The following TET2 variants were observed in gnomAD, a reference collection of about 807,000 sequenced individuals.
TET2 encodes tet methylcytosine dioxygenase 2, also known as methylcytosine dioxygenase TET2.
A neutral mutation model predicts 142.9 loss-of-function variants in TET2; 299 were observed. The observed-to-expected ratio is 2.09, with a 90% CI of 1.90 to 2.30. The LOEUF (loss-of-function observed/expected upper bound fraction) is 2.30. Among genes scored for constraint, TET2 ranks in the 30% most tolerant of loss-of-function variants. The probability of loss-of-function intolerance (pLI) is 0.00; values close to 1 mark genes in which losing one functional copy is unlikely to be tolerated. For missense variants in TET2, 2,418 were observed against 2,378.0 expected (o/e 1.02, Z -0.35); for synonymous variants, 819 against 849.0 (o/e 0.96, Z 0.61).
At chr4:105,163,871 G>A (rs1728674053) in intron 1 of TET2, among the ~76,000 whole-genome samples, 1 of 151,574 alleles carries the variant, frequency 6.6e-6, no homozygotes, top group Non-Finnish European at 1.5e-5. Context: ...GTGTGTGTGT[G>A]TGTGTGTGTG....
intron 2 of TET2, among the ~76,000 whole-genome samples, chr4:105,193,930 TAATA>T (rs1172149049): frequency 6.6e-6 from 1 of 152,164 alleles, no homozygotes; most frequent in Non-Finnish European, 1.5e-5. Flanking sequence ...TGTATTTTTA[TAATA>T]AGTTGGAGAG....
At chr4:105,241,890 C>A (rs1729321459) in intron 4 of TET2, 6 of 1,244,592 alleles carry the variant, frequency 4.8e-6, no homozygotes, top group Non-Finnish European at 6.1e-6. Context: ...AAAAAGAGAG[C>A]AAGTGTGATA....
intron 2 of TET2, among the ~76,000 whole-genome samples, chr4:105,229,186 G>C (rs1728350582): frequency 6.6e-6 from 1 of 151,906 alleles, no homozygotes; most frequent in African/African-American, 2.4e-5. Context: ...ACATTTTAAG[G>C]GCTCAATAGC....
chr4:105,212,231 A>C (rs1204213224), intron 2 of TET2, among the ~76,000 whole-genome samples: 1 of 152,216 alleles, frequency 6.6e-6, no homozygotes, highest in Non-Finnish European at 1.5e-5. Context: ...CCATAGTTGT[A>C]ATGAATACCT....
At chr4:105,182,695 A>G (rs1578573589) in intron 1 of TET2, among the ~76,000 whole-genome samples, 3 of 152,328 alleles carry the variant, frequency 2.0e-5, no homozygotes, top group African/African-American at 2.4e-5. Context: ...TAGAATGAAC[A>G]TTAGAGAATA....
Position 105,190,394 on chromosome 4 carries a change from T to C in TET2, c.-158T>C, listed in dbSNP as rs536781022. On this transcript the variant is annotated 5_prime_UTR_variant, in exon 2 of 11. Coordinates refer to ENST00000380013, the MANE Select transcript of TET2 (RefSeq NM_001127208.3). ...CATTCAGCAGCACACCCTCTCAAGATTGTTTACTTGCCTTTGCTCCTGTTG... is the reference window on the plus strand; with the variant it reads ...CATTCAGCAGCACACCCTCTCAAGACTGTTTACTTGCCTTTGCTCCTGTTG... 8.3e-4 allele frequency: 575 copies of C among 690,138 alleles called. 2 individuals carry two copies. The highest frequency in any genetic ancestry group is 1.3e-3 in the Non-Finnish European group (493 of 380,786). The allele number at this position is 690,138 out of a possible 1,614,324, so 42.8% of individuals were successfully genotyped here. A position where few individuals can be genotyped will look rare whatever the true frequency, so the allele number is the denominator to read the frequency against.
intron 3 of TET2, chr4:105,238,753 T>C (rs140398018): frequency 8.7e-5 from 21 of 240,126 alleles, no homozygotes; most frequent in African/African-American, 3.8e-4. Context: ...AAACTCCTGT[T>C]AATGTTGATA....
At chr4:105,229,079 A>C (rs1312767078) in intron 2 of TET2, among the ~76,000 whole-genome samples, 2 of 152,238 alleles carry the variant, frequency 1.3e-5, no homozygotes, top group African/African-American at 2.4e-5. Flanking sequence ...AACATGTATT[A>C]AATATTTTTT....
intron 2 of TET2, among the ~76,000 whole-genome samples, chr4:105,212,324 A>T (rs1203701504): frequency 6.6e-6 from 1 of 152,212 alleles, no homozygotes; most frequent in Non-Finnish European, 1.5e-5. Context: ...GGTCCAGCAG[A>T]CTTTCAGAAC....
intron 2 of TET2, among the ~76,000 whole-genome samples, chr4:105,199,969 G>A (rs1726348605): frequency 6.6e-6 from 1 of 152,004 alleles, no homozygotes; most frequent in African/African-American, 2.4e-5. Flanking sequence ...TTGATTCCAT[G>A]TCTTTGCTAT....
intron 2 of TET2, among the ~76,000 whole-genome samples, chr4:105,229,377 C>G (rs1370619550): frequency 6.6e-6 from 1 of 152,230 alleles, no homozygotes; most frequent in South Asian, 2.1e-4. Context: ...GTGGCGCGAT[C>G]TCGGCTCACT....
intron 1 of TET2, among the ~76,000 whole-genome samples, chr4:105,170,185 C>G (rs1478874010): frequency 6.6e-6 from 1 of 152,120 alleles, no homozygotes; most frequent in African/African-American, 2.4e-5. Flanking sequence ...TTTTCTTAAA[C>G]AATTTTTATT....
intron 7 of TET2, among the ~76,000 whole-genome samples, 199 bp downstream of exon 7, chr4:105,259,968 C>T (rs1730342705): frequency 6.6e-6 from 1 of 152,048 alleles, no homozygotes; most frequent in African/African-American, 2.4e-5. Flanking sequence ...GCAACAAAAA[C>T]TTCCTCTTTG....
chr4:105,249,872 A>G (rs1351404140), intron 6 of TET2, among the ~76,000 whole-genome samples: 1 of 152,196 alleles, frequency 6.6e-6, no homozygotes, highest in African/African-American at 2.4e-5. Context: ...TCACTTTGAT[A>G]ATGTCCTTAA....
chr4:105,190,619 C>G, intron 2 of TET2, 114 bp downstream of exon 2: 1 of 617,068 alleles, frequency 1.6e-6, no homozygotes, highest in Non-Finnish European at 2.9e-6. Flanking sequence ...CTCTCAAATA[C>G]TTTTCTTTAT....
At chr4:105,178,073 G>C (rs989181275) in intron 1 of TET2, 1 of 151,696 alleles carries the variant, frequency 6.6e-6, no homozygotes, top group Non-Finnish European at 1.5e-5. Flanking sequence ...GAGTGACAGA[G>C]CAAAACTCCA....
At chr4:105,273,022 A>G in intron 10 of TET2, 104 bp downstream of exon 10, 2 of 865,538 alleles carry the variant, frequency 2.3e-6, no homozygotes, top group Non-Finnish European at 3.5e-6. Flanking sequence ...TCTGGGGTAC[A>G]CATGCAGGAT....
chr4:105,176,494 C>T (rs1021193883), intron 1 of TET2, among the ~76,000 whole-genome samples: 1 of 152,014 alleles, frequency 6.6e-6, no homozygotes, highest in African/African-American at 2.4e-5. Context: ...TGTATACCAG[C>T]AATAAACAAG....
Position 105,163,854 on chromosome 4 carries a change from A to AGAGAGAGTGTGT in TET2, c.-193+16876_-193+16877insAGAGAGTGTGTG, listed in dbSNP as rs1553942671. Among the ~76,000 whole-genome samples the AGAGAGAGTGTGT allele has an allele frequency of 1.9e-3, 163 of 85,174 alleles. 1 individual carries two copies. Among genetic ancestry groups the AGAGAGAGTGTGT allele is most frequent in the Non-Finnish European group, 2.9e-3 (121 of 41,562 alleles). 55.9% of individuals were successfully genotyped at this position (85,174 alleles called of 152,430 possible). A position where few individuals can be genotyped will look rare whatever the true frequency, so the allele number is the denominator to read the frequency against. ...GAGAGAGAGAGAGAGAGAGAGAGAG[A>AGAGAGAGTGTGT]GTGTGTGTGTGTGTGTGTGTGTGTG... On this transcript the variant is annotated intron_variant, in intron 1 of 10. Transcript: ENST00000380013.
Sources: gnomAD v4.1 joint callset for allele counts (sites outside exome capture counted in the v4.1 genomes callset) on GRCh38, gnomAD v4.1.1 for gene constraint, MANE v1.5 for transcripts, NCBI Gene and HGNC (gene_info 2026-07-23, HGNC 2026-07-21) for gene names.